The following RANBP2 variants were observed in gnomAD, a reference collection of about 807,000 sequenced individuals.
The protein encoded by RANBP2 is E3 SUMO-protein ligase RanBP2.
RANBP2 carries 57 observed loss-of-function variants against 303.6 expected under a neutral mutation model. The ratio of observed to expected loss-of-function variants is 0.19; its 90% CI spans 0.15 to 0.23. The LOEUF is 0.23. Ranked by LOEUF, RANBP2 falls within the 10% of genes least tolerant of loss-of-function variation. The pLI, the probability that RANBP2 is intolerant of heterozygous loss-of-function variation, is 1.00. For missense variants in RANBP2, 3,138 were observed against 3,780.8 expected (o/e 0.83, Z 4.46); for synonymous variants, 1,167 against 1,301.5 (o/e 0.90, Z 2.23).
At chr2:108,881,149 T>A in the RANBP2 span, among the ~76,000 whole-genome samples, 1 of 152,222 alleles carries the variant, frequency 6.6e-6, no homozygotes, top group African/African-American at 2.4e-5. Flanking sequence ...GAAAATCTGT[T>A]GTGTAGTGTA....
At chr2:109,019,290 G>C in the RANBP2 span, among the ~76,000 whole-genome samples, 1 of 152,210 alleles carries the variant, frequency 6.6e-6, no homozygotes, top group African/African-American at 2.4e-5. Context: ...GTGTGGTGCT[G>C]GTGCTGTTGT....
the RANBP2 span, among the ~76,000 whole-genome samples, chr2:109,693,082 G>A: frequency 1.3e-5 from 2 of 152,034 alleles, no homozygotes; most frequent in Admixed American, 1.3e-4. Context: ...GACTCTTTAA[G>A]TCTGATAAGA....
chr2:109,724,649 C>G, the RANBP2 span, among the ~76,000 whole-genome samples: 4 of 152,132 alleles, frequency 2.6e-5, no homozygotes, highest in African/African-American at 9.7e-5. Flanking sequence ...CTGGGTCCTG[C>G]AGTGAGCTGG....
At chr2:109,355,747 G>A in the RANBP2 span, among the ~76,000 whole-genome samples, 7 of 152,178 alleles carry the variant, frequency 4.6e-5, no homozygotes, top group African/African-American at 1.2e-4. Flanking sequence ...AACTTAACAC[G>A]CAGGTCCATG....
the RANBP2 span, among the ~76,000 whole-genome samples, chr2:109,254,611 G>A: frequency 3.3e-5 from 5 of 152,170 alleles, no homozygotes; most frequent in African/African-American, 7.2e-5. Context: ...CCATGACCCC[G>A]TGAGAAGGTT....
the RANBP2 span, among the ~76,000 whole-genome samples, chr2:109,710,611 C>T: frequency 2.0e-5 from 3 of 152,174 alleles, no homozygotes; most frequent in African/African-American, 7.2e-5. Flanking sequence ...TGTCCAGACC[C>T]CACCACCAAG....
At chr2:108,985,627 G>A in the RANBP2 span, among the ~76,000 whole-genome samples, 1 of 152,216 alleles carries the variant, frequency 6.6e-6, no homozygotes, top group Non-Finnish European at 1.5e-5. Context: ...AGGACCTCCA[G>A]CTTCACCCAC....
At chr2:109,739,754 A>G in the RANBP2 span, among the ~76,000 whole-genome samples, 2 of 151,818 alleles carry the variant, frequency 1.3e-5, no homozygotes, top group South Asian at 2.1e-4. Context: ...TTCCAATACT[A>G]TGTTAAATAA....
the RANBP2 span, among the ~76,000 whole-genome samples, chr2:109,387,556 G>A: frequency 6.6e-6 from 1 of 152,152 alleles, no homozygotes; most frequent in African/African-American, 2.4e-5. Context: ...ATGTGATGGG[G>A]CCAGCTCCCT....
the RANBP2 span, among the ~76,000 whole-genome samples, chr2:109,320,361 C>T: frequency 1.2e-4 from 18 of 152,306 alleles, no homozygotes; most frequent in Non-Finnish European, 2.5e-4. Context: ...CCAAGCCCAC[C>T]TGAGCAGCAG....
At chr2:109,218,058 G>A in the RANBP2 span, among the ~76,000 whole-genome samples, 1 of 152,160 alleles carries the variant, frequency 6.6e-6, no homozygotes, top group African/African-American at 2.4e-5. Flanking sequence ...AGACAGCTGC[G>A]GGGAGGGGTG....
the RANBP2 span, among the ~76,000 whole-genome samples, chr2:109,178,397 G>T: frequency 6.6e-6 from 1 of 152,078 alleles, no homozygotes; most frequent in Admixed American, 6.5e-5. Context: ...GAATATTGGT[G>T]GTATGCTTTA....
chr2:109,352,540 C>T, the RANBP2 span, among the ~76,000 whole-genome samples: 12 of 152,206 alleles, frequency 7.9e-5, no homozygotes, highest in South Asian at 4.1e-4. Context: ...GGGGCCGAGA[C>T]GATGAGGAAA....
intron 3 of RANBP2, 68 bp from the exon 4 acceptor site, chr2:108,731,254 A>G (rs1410803881): frequency 1.7e-5 from 26 of 1,553,276 alleles, no homozygotes; most frequent in African/African-American, 2.8e-5. Flanking sequence ...TTTATATATA[A>G]GTATATATAC....
the RANBP2 span, among the ~76,000 whole-genome samples, chr2:108,845,993 A>C: frequency 6.6e-5 from 10 of 152,272 alleles, no homozygotes; most frequent in Admixed American, 5.9e-4. Flanking sequence ...AGAATTATCT[A>C]TGATTCTAAC....
chr2:109,125,877 T>A, the RANBP2 span, among the ~76,000 whole-genome samples: 1 of 152,276 alleles, frequency 6.6e-6, no homozygotes. Context: ...ACTTGGCTAC[T>A]TCAACCAGAA....
At chr2:108,780,359 ATTTTTTTT>A (rs869269194) in intron 25 of RANBP2, among the ~76,000 whole-genome samples, 3 of 111,740 alleles carry the variant, frequency 2.7e-5, no homozygotes, top group South Asian at 3.1e-4. Context: ...CGCCCGGCTA[ATTTTTTTT>A]TTTTTTTTTT....
At chr2:109,580,154 A>C in the RANBP2 span, among the ~76,000 whole-genome samples, 1 of 151,760 alleles carries the variant, frequency 6.6e-6, no homozygotes, top group Non-Finnish European at 1.5e-5. Flanking sequence ...ATACAGGCTA[A>C]AAAAACTTCA....
In RANBP2 at chr2:108,768,286, T is replaced by C. The variant is rs1677251736; in HGVS notation, c.7747T>C (p.Ser2583Pro). The C allele has an allele frequency of 1.2e-6, 2 of 1,612,034 alleles. No individual in the cohort carries two copies. The highest frequency in any genetic ancestry group is 4.5e-5 in the East Asian group (2 of 44,874). ...TAAAAAATGTGAACTGTCAAAGAAC[T>C]CTGATATCGAACAGTCTTCAGATAG... ...EPKKCELSKN[S>P]DIEQSSDSKV... Residue 2583 changes from serine to proline, a missense_variant, in exon 20 of 29, where the codon TCT (serine) becomes CCT (proline). By Grantham distance (74) the Ser-to-Pro change is moderately conservative. Around this residue, in one of 20 missense-constraint regions of RANBP2, gnomAD observed 497 missense variants for 465.8 expected, o/e 1.07. Transcript: ENST00000283195.
Sources: allele counts gnomAD v4.1 joint callset (sites outside exome capture counted in the v4.1 genomes callset), GRCh38; gene constraint gnomAD v4.1.1; regional missense constraint gnomAD v4.1.1; transcripts MANE v1.5; gene names NCBI Gene and HGNC (gene_info 2026-07-23, HGNC 2026-07-21).